Variants in DACH2 observed in about 807,000 individuals in gnomAD.
DACH2 encodes dachshund homolog 2.
Under a neutral mutation model 35.8 loss-of-function variants are expected in DACH2, and 17 were observed. That is an observed-to-expected ratio of 0.48 (90% CI 0.33 to 0.71). The LOEUF is 0.71. DACH2 is among the 30% of genes least tolerant of loss of function. The pLI is 0.02. For missense variants in DACH2, 469 were observed against 472.7 expected (o/e 0.99, Z 0.07); for synonymous variants, 195 against 177.3 (o/e 1.10, Z -0.79).
intron 3 of DACH2, among the ~76,000 whole-genome samples, chrX:86,547,749 T>A (rs2038996073): frequency 8.9e-6 from 1 of 112,157 alleles, no homozygotes; most frequent in African/African-American, 3.2e-5. Flanking sequence ...TACTTGAGGA[T>A]GTAAAATGGC....
chrX:86,647,304 C>A (rs755450148), intron 3 of DACH2, among the ~76,000 whole-genome samples: 3 of 110,612 alleles, frequency 2.7e-5, no homozygotes, highest in Non-Finnish European at 5.7e-5. Flanking sequence ...ATTTAAAAAA[C>A]CTGGTATTTA....
At chrX:86,314,721 G>A (rs1320852180) in intron 1 of DACH2, among the ~76,000 whole-genome samples, 2 of 112,162 alleles carry the variant, frequency 1.8e-5, no homozygotes, top group African/African-American at 3.2e-5. Context: ...TGTGAAGAAA[G>A]TTTGTGTGGT....
At chrX:86,414,584 T>A (rs1017396875) in intron 2 of DACH2, among the ~76,000 whole-genome samples, 3 of 111,256 alleles carry the variant, frequency 2.7e-5, no homozygotes, top group African/African-American at 9.8e-5. Context: ...CACAAGGCAT[T>A]GGTCAAGGGT....
chrX:86,386,864 G>C (rs763145752), intron 2 of DACH2, among the ~76,000 whole-genome samples: 47 of 111,061 alleles, frequency 4.2e-4, no homozygotes, highest in African/African-American at 1.5e-3. Flanking sequence ...TCAATCCTAA[G>C]AAAGTGCTAA....
intron 1 of DACH2, among the ~76,000 whole-genome samples, chrX:86,221,936 C>CTG (rs1430840904): frequency 1.8e-5 from 2 of 112,264 alleles, no homozygotes; most frequent in African/African-American, 6.5e-5. Flanking sequence ...GGCTTTTCCT[C>CTG]TGTGTGTACA....
chrX:86,724,100 A>G, intron 6 of DACH2, among the ~76,000 whole-genome samples: 1 of 111,338 alleles, frequency 9.0e-6, no homozygotes, highest in South Asian at 3.8e-4. Context: ...CATTTAATCT[A>G]CTTACATTCC....
At chrX:86,806,362 G>C (rs2042344953) in intron 7 of DACH2, among the ~76,000 whole-genome samples, 1 of 110,760 alleles carries the variant, frequency 9.0e-6, no homozygotes, top group Non-Finnish European at 1.9e-5. Flanking sequence ...CTCACTCACT[G>C]TCTTGAGAAC....
At position 86,455,615 on chromosome X, in the gene DACH2, C is replaced by A. The variant is rs781426048; in HGVS notation, c.528-58664C>A. On this transcript the variant is annotated intron_variant, in intron 2 of 11. Transcript: ENST00000373125. Reference sequence around the variant, plus strand: ...TGTGTGGGAACCTCCCTCCTCCAGACCATTTGGATTCTGTAAAGCCAGCAG... The same window carrying A: ...TGTGTGGGAACCTCCCTCCTCCAGAACATTTGGATTCTGTAAAGCCAGCAG... 8.0e-5 allele frequency among the ~76,000 whole-genome samples: 9 copies of A among 112,673 alleles called. No homozygotes were observed. In the East Asian group the frequency reaches 2.0e-3, roughly 25 times the overall value.
At chrX:86,632,548 A>G (rs2040214664) in intron 3 of DACH2, among the ~76,000 whole-genome samples, 1 of 109,757 alleles carries the variant, frequency 9.1e-6, no homozygotes, top group Admixed American at 9.8e-5. Flanking sequence ...TCAAACTATT[A>G]TGTTGAATTC....
At chrX:86,409,044 G>A (rs1369696154) in intron 2 of DACH2, among the ~76,000 whole-genome samples, 1 of 111,645 alleles carries the variant, frequency 9.0e-6, no homozygotes, top group Non-Finnish European at 1.9e-5. Context: ...GGATAGTCCA[G>A]GGGAGTAGGT....
intron 6 of DACH2, among the ~76,000 whole-genome samples, chrX:86,733,081 G>A (rs183195079): frequency 5.4e-5 from 6 of 111,756 alleles, no homozygotes; most frequent in African/African-American, 1.6e-4. Flanking sequence ...ATGTTTACAT[G>A]TGAATTATTT....
chrX:86,148,816 A>G lies in DACH2; in HGVS notation c.196A>G (p.Asn66Asp), dbSNP rs770516417. ...GGGGRGNTNT[N>D]ECRMVDMHGM... Reference sequence around the variant, plus strand: ...CGGCGGCAGGGGCAACACCAACACCAACGAGTGCCGCATGGTCGACATGCA... The same window carrying G: ...CGGCGGCAGGGGCAACACCAACACCGACGAGTGCCGCATGGTCGACATGCA... The change falls in exon 1 of 12, where the codon AAC becomes GAC. Residue 66 changes from asparagine (N) to aspartate (D), a missense_variant. Asn to Asp is a conservative substitution (Grantham distance 23). Coordinates refer to ENST00000373125, the MANE Select transcript of DACH2 (RefSeq NM_053281.3). The G allele has an allele frequency of 7.4e-6, 9 of 1,211,680 alleles. No individual in the cohort carries two copies. The highest frequency in any genetic ancestry group is 8.9e-6 in the Non-Finnish European group (8 of 895,506).
intron 1 of DACH2, among the ~76,000 whole-genome samples, chrX:86,355,154 G>C (rs1235486830): frequency 8.9e-6 from 1 of 111,836 alleles, no homozygotes; most frequent in Non-Finnish European, 1.9e-5. Context: ...AACATACGTG[G>C]TATTTGGTTT....
intron 2 of DACH2, among the ~76,000 whole-genome samples, chrX:86,483,666 C>T (rs914815551): frequency 9.0e-6 from 1 of 110,625 alleles, no homozygotes; most frequent in Non-Finnish European, 1.9e-5. Flanking sequence ...AACCCTGTCT[C>T]TACAAAAAAT....
intron 1 of DACH2, among the ~76,000 whole-genome samples, chrX:86,169,088 T>A (rs1358480725): frequency 1.8e-5 from 2 of 111,847 alleles, no homozygotes; most frequent in Non-Finnish European, 3.8e-5. Flanking sequence ...ATAGGTCTGA[T>A]GTTGATAAAA....
chrX:86,646,622 G>A (rs1324860251), intron 3 of DACH2, among the ~76,000 whole-genome samples: 3 of 109,797 alleles, frequency 2.7e-5, no homozygotes, highest in African/African-American at 6.6e-5. Context: ...CTTCTACACA[G>A]CAAAGAAAGC....
chrX:86,679,788 C>T (rs746547389), intron 4 of DACH2, among the ~76,000 whole-genome samples: 23 of 110,466 alleles, frequency 2.1e-4, no homozygotes, highest in Admixed American at 2.0e-4. Flanking sequence ...CCTAATAAGC[C>T]GAGCCTGTGT....
intron 2 of DACH2, among the ~76,000 whole-genome samples, chrX:86,385,390 T>C (rs1370952712): frequency 1.8e-5 from 2 of 111,414 alleles, no homozygotes; most frequent in African/African-American, 3.3e-5. Flanking sequence ...CAGCCCTCCG[T>C]ATCCATGGTT....
chrX:86,284,750 G>C (rs1356595216), intron 1 of DACH2, among the ~76,000 whole-genome samples: 1 of 110,999 alleles, frequency 9.0e-6, no homozygotes, highest in Middle Eastern at 4.3e-3. Flanking sequence ...TTTACTGGGA[G>C]ACTGTTCAGC....
Sources: gnomAD v4.1 joint callset for allele counts (sites outside exome capture counted in the v4.1 genomes callset) on GRCh38, gnomAD v4.1.1 for gene constraint, MANE v1.5 for transcripts, NCBI Gene and HGNC (gene_info 2026-07-23, HGNC 2026-07-21) for gene names.